Variants in PTGIR observed in about 807,000 individuals in gnomAD.
The protein encoded by PTGIR is prostacyclin receptor.
PTGIR carries 16 observed loss-of-function variants against 17.6 expected under a neutral mutation model. That is an observed-to-expected ratio of 0.91 (90% CI 0.61 to 1.38). The LOEUF (loss-of-function observed/expected upper bound fraction) is 1.38, where lower values mean the gene tolerates loss of function less well. Ranked by LOEUF, PTGIR falls within the 40% of genes most tolerant of loss-of-function variation. The probability of loss-of-function intolerance (pLI) is 0.00; values close to 1 mark genes in which losing one functional copy is unlikely to be tolerated. For synonymous variants in PTGIR, 274 were observed against 255.4 expected (o/e 1.07, Z -0.69); for missense variants, 532 against 548.6 (o/e 0.97, Z 0.30).
chr19:46,621,748 G>A lies in PTGIR; in HGVS notation c.769-76C>T, dbSNP rs1599771422. 1 of 1,524,524 alleles carries A rather than the reference G, an allele frequency of 6.6e-7. No individual in the cohort carries two copies. The highest frequency in any genetic ancestry group is 2.3e-5 in the East Asian group (1 of 43,026). 94.4% of individuals were successfully genotyped at this position (1,524,524 alleles called of 1,614,324 possible). A position where few individuals can be genotyped will look rare whatever the true frequency, so the allele number is the denominator to read the frequency against. ...CCACCCTGGCTCCCTCCTCCCACTT[G>A]CTTACCAGGGATGAGGTAGGGGTGA... On this transcript the variant is annotated intron_variant, in intron 2 of 2. Transcript: ENST00000291294. This position sits in a 1 kb window ranked among gnomAD's most constrained non-coding sequence, Gnocchi z 4.8.
Position 46,621,262 on chromosome 19 carries a change from C to T in PTGIR, c.*18G>A. 5 of 1,499,482 alleles carry T rather than the reference C, an allele frequency of 3.3e-6. No individual in the cohort carries two copies. The highest frequency in any genetic ancestry group is 4.5e-6 in the Non-Finnish European group (5 of 1,123,084). 92.9% of individuals were successfully genotyped at this position (1,499,482 alleles called of 1,614,324 possible). Reference sequence around the variant, plus strand: ...TCGCCCGAAGACAGGGCAGAGATCACAGGGTCAGCTTGAAATGTCAGCAGA... The same window carrying T: ...TCGCCCGAAGACAGGGCAGAGATCATAGGGTCAGCTTGAAATGTCAGCAGA... On this transcript the variant is annotated 3_prime_UTR_variant, in exon 3 of 3. Coordinates refer to ENST00000291294, the MANE Select transcript of PTGIR (RefSeq NM_000960.4). The surrounding 1 kb of genome is among the most constrained non-coding windows in gnomAD (Gnocchi z 4.8).
chr19:46,613,861 C>T, the PTGIR span, among the ~76,000 whole-genome samples: 3 of 152,172 alleles, frequency 2.0e-5, no homozygotes, highest in Non-Finnish European at 4.4e-5. Flanking sequence ...CGGATCCCAA[C>T]GCCCACGCCT....
At position 46,622,398 on chromosome 19, in the gene PTGIR, G is replaced by T. The variant is rs565233537; in HGVS notation, c.769-726C>A. The T allele has an allele frequency of 3.7e-5, 36 of 985,412 alleles. No individual in the cohort carries two copies. The African/African-American group carries it at 5.9e-4, about 16-fold the overall frequency. The allele number at this position is 985,412 out of a possible 1,614,324, so 61.0% of individuals were successfully genotyped here. On this transcript the variant is annotated intron_variant, in intron 2 of 2. Coordinates refer to ENST00000291294, the MANE Select transcript of PTGIR (RefSeq NM_000960.4). ...GCCCCTCATCTGTAAAAACGGGGAT[G>T]GGAGAGAACGTTCTCTTGGTTTCCT...
chr19:46,618,114 A>AAG (rs1971989500), downstream of PTGIR, among the ~76,000 whole-genome samples: 2 of 148,878 alleles, frequency 1.3e-5, no homozygotes, highest in Middle Eastern at 3.5e-3. Context: ...TCCCGGGTTC[A>AAG]CACCATTCTC....
In PTGIR at chr19:46,621,692, G is replaced by T; in HGVS notation, c.769-20C>A. On this transcript the variant is annotated intron_variant, in intron 2 of 2. Coordinates refer to ENST00000291294, the MANE Select transcript of PTGIR (RefSeq NM_000960.4). The surrounding 1 kb of genome is among the most constrained non-coding windows in gnomAD (Gnocchi z 4.8). Reference sequence around the variant, plus strand: ...GCGGATCTGAGGGCAGGGTGAGGGCGTCAAGGAGCACCCAGGAGTCCTCAG... The same window carrying T: ...GCGGATCTGAGGGCAGGGTGAGGGCTTCAAGGAGCACCCAGGAGTCCTCAG... The T allele has an allele frequency of 1.9e-6, 3 of 1,600,386 alleles. No individual in the cohort carries two copies. Among genetic ancestry groups the T allele is most frequent in the Non-Finnish European group, 2.6e-6 (3 of 1,172,600 alleles).
downstream of PTGIR, chr19:46,620,421 G>C (rs1972041681): frequency 2.0e-6 from 2 of 984,656 alleles, no homozygotes; most frequent in Admixed American, 1.2e-4. Context: ...TTGAATGAAT[G>C]AATGAATGAA....
At chr19:46,619,654 AAAAG>A (rs144625350), downstream of PTGIR, among the ~76,000 whole-genome samples, 1,944 of 88,492 alleles carry the variant, frequency 0.022, 38 homozygotes, top group Middle Eastern at 0.025. Flanking sequence ...AGAAAGAAAG[AAAAG>A]AAAGAAAGAA....
Position 46,622,125 on chromosome 19 carries a change from A to G in PTGIR, c.769-453T>C, listed in dbSNP as rs1466354039. 7.1e-6 allele frequency: 7 copies of G among 985,452 alleles called. No homozygotes were observed. The East Asian group carries it at 6.8e-4, about 96-fold the overall frequency. 61.0% of individuals were successfully genotyped at this position (985,452 alleles called of 1,614,324 possible). ...TCCGGCCTGGCCTCTTGCATTTTAC[A>G]GAAACAGAAACTGAAGCTCAGAAGA... On this transcript the variant is annotated intron_variant, in intron 2 of 2. Coordinates refer to ENST00000291294, the MANE Select transcript of PTGIR (RefSeq NM_000960.4).
In PTGIR at chr19:46,621,335, CT is replaced by C. The variant is rs2052724675; in HGVS notation, c.1105del (p.Ser369AlafsTer23). The C allele has an allele frequency of 3.3e-6, 5 of 1,526,702 alleles. No homozygotes were observed. Among genetic ancestry groups the C allele is most frequent in the Non-Finnish European group, 4.4e-6 (5 of 1,137,142 alleles). 94.6% of individuals were successfully genotyped at this position (1,526,702 alleles called of 1,614,324 possible). A position where few individuals can be genotyped will look rare whatever the true frequency, so the allele number is the denominator to read the frequency against. ...PLPPTQQSSG[S>X]AVGTSSKAEA... is the part of the protein sequence containing the mutation. ...TGCTTTGGACGACGTTCCCACGGCGCTGCCGCTGGACTGCTGTGTGGGAGGC... is the reference window on the plus strand; with the variant it reads ...TGCTTTGGACGACGTTCCCACGGCGCGCCGCTGGACTGCTGTGTGGGAGGC... On this transcript the variant is annotated frameshift_variant, in exon 3 of 3. Transcript: ENST00000291294. LOFTEE classifies it high-confidence loss of function. The surrounding 1 kb of genome is among the most constrained non-coding windows in gnomAD (Gnocchi z 4.8).
downstream of PTGIR, among the ~76,000 whole-genome samples, chr19:46,615,599 C>T (rs539990127): frequency 3.3e-5 from 5 of 150,798 alleles, no homozygotes; most frequent in Admixed American, 6.6e-5. Context: ...TCCACCTCCC[C>T]GGTTCACGCC....
At chr19:46,617,556 T>G (rs1423692916), downstream of PTGIR, among the ~76,000 whole-genome samples, 1 of 152,012 alleles carries the variant, frequency 6.6e-6, no homozygotes, top group Non-Finnish European at 1.5e-5. Context: ...AAAATGGGAA[T>G]GAGAGCAGCA....
At chr19:46,624,539 C>A in intron 1 of PTGIR, 1 of 257,856 alleles carries the variant, frequency 3.9e-6, no homozygotes, top group Non-Finnish European at 7.3e-6. Flanking sequence ...ACTGCAACCT[C>A]CACCTCCTGG....
chr19:46,622,278 G>A (rs2052738341), intron 2 of PTGIR: 2 of 985,278 alleles, frequency 2.0e-6, no homozygotes, highest in Non-Finnish European at 2.4e-6. Context: ...GGCCTGCTCT[G>A]AGGCAGAGGG....
At chr19:46,612,442 A>C in the PTGIR span, among the ~76,000 whole-genome samples, 1 of 152,328 alleles carries the variant, frequency 6.6e-6, no homozygotes, top group South Asian at 2.1e-4. Context: ...CTCTGCATCC[A>C]TGAGCTCATC....
At chr19:46,619,543 A>G (rs201125317), downstream of PTGIR, among the ~76,000 whole-genome samples, 33 of 68,702 alleles carry the variant, frequency 4.8e-4, 1 homozygote, top group Admixed American at 7.3e-4. Context: ...GAAAGAAAGA[A>G]AGAAAGAGAG....
chr19:46,619,984 G>A (rs1389655141), downstream of PTGIR, among the ~76,000 whole-genome samples: 1 of 152,214 alleles, frequency 6.6e-6, no homozygotes, highest in African/African-American at 2.4e-5. Context: ...GCAGGGAGTG[G>A]TCATGAGAAG....
the PTGIR span, among the ~76,000 whole-genome samples, chr19:46,615,262 C>T: frequency 2.6e-5 from 4 of 152,128 alleles, no homozygotes; most frequent in Non-Finnish European, 5.9e-5. Context: ...ATAGCATTTG[C>T]ATTGAATTAG....
At chr19:46,615,851 G>T (rs1389013260), downstream of PTGIR, among the ~76,000 whole-genome samples, 1 of 151,580 alleles carries the variant, frequency 6.6e-6, no homozygotes, top group Non-Finnish European at 1.5e-5. Flanking sequence ...GCCCAGGCTG[G>T]AGTGCAGTGG....
chr19:46,620,340 G>C (rs192604675), downstream of PTGIR: 6 of 782,804 alleles, frequency 7.7e-6, no homozygotes, highest in East Asian at 7.6e-4. Flanking sequence ...GGGCTCAAGG[G>C]ATCCTCCCAC....
Sources: allele counts gnomAD v4.1 joint callset (sites outside exome capture counted in the v4.1 genomes callset), GRCh38; gene constraint gnomAD v4.1.1; non-coding constraint Gnocchi (gnomAD v3.1); transcripts MANE v1.5; gene names NCBI Gene and HGNC (gene_info 2026-07-23, HGNC 2026-07-21).